Variants in WDR25 observed in about 807,000 individuals in gnomAD.
WDR25 encodes WD repeat-containing protein 25.
Under a neutral mutation model 47.7 loss-of-function variants are expected in WDR25, and 35 were observed. That is an observed-to-expected ratio of 0.73 (90% confidence interval 0.56 to 0.97). The LOEUF is 0.97. WDR25 is among the 50% of genes least tolerant of loss of function. The probability of loss-of-function intolerance (pLI) is 0.00; values close to 1 mark genes in which losing one functional copy is unlikely to be tolerated. For synonymous variants in WDR25, 248 were observed against 278.9 expected (o/e 0.89, Z 1.10); for missense variants, 634 against 704.7 (o/e 0.90, Z 1.14).
chr14:100,514,084 C>T (rs575971501), intron 4 of WDR25, among the ~76,000 whole-genome samples: 115 of 151,898 alleles, frequency 7.6e-4, no homozygotes, highest in Non-Finnish European at 1.4e-3. Context: ...TACAGGCGCC[C>T]GCCACCACGC....
Position 100,428,622 on chromosome 14 carries a change from C to T in WDR25, c.823-39399C>T, listed in dbSNP as rs1898238880. On this transcript the variant is annotated intron_variant, in intron 2 of 6. Coordinates refer to ENST00000402312, the MANE Select transcript of WDR25 (RefSeq NM_001161476.3). The surrounding 1 kb of genome is among the most constrained non-coding windows in gnomAD (Gnocchi z 4.3). ...GTCCAGGAGAGTACTGGGGCCTTGC[C>T]AGCGGAGCCCCCTCTTCCCTGGTCT... 6.6e-6 allele frequency among the ~76,000 whole-genome samples: 1 copy of T among 152,178 alleles called. No homozygotes were observed. The highest frequency in any genetic ancestry group is 2.1e-4 in the South Asian group (1 of 4,822).
At chr14:100,426,793 C>T (rs1301403606) in intron 2 of WDR25, among the ~76,000 whole-genome samples, 1 of 152,160 alleles carries the variant, frequency 6.6e-6, no homozygotes, top group Admixed American at 6.5e-5. Flanking sequence ...TGCAAGGCAA[C>T]CGGGCACAGA....
intron 2 of WDR25, among the ~76,000 whole-genome samples, chr14:100,410,424 C>T (rs1204255628): frequency 6.6e-6 from 1 of 152,162 alleles, no homozygotes; most frequent in East Asian, 1.9e-4. Flanking sequence ...CCACTAGGCA[C>T]CATGTGAGGG....
chr14:100,434,179 C>A (rs1566908318), intron 2 of WDR25, among the ~76,000 whole-genome samples: 1 of 152,192 alleles, frequency 6.6e-6, no homozygotes, highest in Non-Finnish European at 1.5e-5. Flanking sequence ...GAAGACAGAT[C>A]TTGGCGATAG....
At chr14:100,466,758 T>C (rs1899643122) in intron 2 of WDR25, among the ~76,000 whole-genome samples, 1 of 151,964 alleles carries the variant, frequency 6.6e-6, no homozygotes, top group Non-Finnish European at 1.5e-5. Flanking sequence ...CTTCTCGGGT[T>C]CAGCCTCTGA....
At chr14:100,386,738 A>C (rs557216381) in intron 2 of WDR25, among the ~76,000 whole-genome samples, 3 of 151,824 alleles carry the variant, frequency 2.0e-5, no homozygotes, top group African/African-American at 7.3e-5. Context: ...CTAAAAATAC[A>C]AAAAATTAGC....
chr14:100,444,647 G>A (rs946827208), intron 2 of WDR25, among the ~76,000 whole-genome samples: 1 of 152,194 alleles, frequency 6.6e-6, no homozygotes, highest in Non-Finnish European at 1.5e-5. Flanking sequence ...TGGGCCTTTG[G>A]TTTCAGGCCC....
Position 100,380,966 on chromosome 14 carries a change from G to C in WDR25, c.42G>C (p.Ala14=). ...RTLSLMASLV[A]YDDSDSEAET... The stretch of plus-strand genomic sequence containing the variant: ...TGTCTTTAATGGCTTCATTGGTAGC[G>C]TATGATGATTCGGACTCGGAGGCTG... The change falls in exon 2 of 7, where the codon GCG becomes GCC. Residue 14 remains alanine, a synonymous_variant. Coordinates refer to ENST00000402312, the MANE Select transcript of WDR25 (RefSeq NM_001161476.3). 6.2e-7 allele frequency: 1 copy of C among 1,614,222 alleles called. No homozygotes were observed. The highest frequency in any genetic ancestry group is 8.5e-7 in the Non-Finnish European group (1 of 1,180,030).
At chr14:100,460,453 C>T (rs1899372940) in intron 2 of WDR25, among the ~76,000 whole-genome samples, 1 of 152,156 alleles carries the variant, frequency 6.6e-6, no homozygotes, top group South Asian at 2.1e-4. Flanking sequence ...ATCAATCCAA[C>T]TACATATATG....
chr14:100,524,375 T>G (rs1189929884), intron 4 of WDR25, among the ~76,000 whole-genome samples: 2 of 152,070 alleles, frequency 1.3e-5, no homozygotes, highest in Non-Finnish European at 2.9e-5. Flanking sequence ...ATCCTTTCCC[T>G]GGGTCAGCCT....
At chr14:100,513,721 T>G (rs1265433393) in intron 4 of WDR25, among the ~76,000 whole-genome samples, 1 of 151,252 alleles carries the variant, frequency 6.6e-6, no homozygotes, top group Non-Finnish European at 1.5e-5. Context: ...TGAAACAGAG[T>G]CTCACTGGGT....
At chr14:100,419,298 C>A (rs574511799) in intron 2 of WDR25, among the ~76,000 whole-genome samples, 2 of 151,986 alleles carry the variant, frequency 1.3e-5, no homozygotes, top group Non-Finnish European at 2.9e-5. Flanking sequence ...TCGCTCCTTC[C>A]GCCTACCTCT....
rs544823622 is a variant in WDR25, at chr14:100,393,652, G to C, written c.822+11906G>C. 1.2e-4 allele frequency among the ~76,000 whole-genome samples: 18 copies of C among 152,310 alleles called. 1 individual carries two copies. The highest frequency in any genetic ancestry group is 4.3e-4 in the African/African-American group (18 of 41,572). The stretch of plus-strand genomic sequence containing the variant: ...ATGGTGAAGAACTTTCCGGTGCTCA[G>C]AGCTGGGCAACTCGGGCAGTAGACT... On this transcript the variant is annotated intron_variant, in intron 2 of 6. Transcript: ENST00000402312.
intron 2 of WDR25, among the ~76,000 whole-genome samples, chr14:100,413,335 C>G (rs974333776): frequency 6.6e-6 from 1 of 152,180 alleles, no homozygotes; most frequent in Non-Finnish European, 1.5e-5. Flanking sequence ...AGTTCCACCC[C>G]CAACCTCAGC....
At chr14:100,518,825 C>A (rs1319574736) in intron 4 of WDR25, among the ~76,000 whole-genome samples, 1 of 150,426 alleles carries the variant, frequency 6.6e-6, no homozygotes, top group Non-Finnish European at 1.5e-5. Context: ...ACCTGGGAGG[C>A]GGAAGTTGCA....
At chr14:100,434,873 A>C (rs568454154) in intron 2 of WDR25, among the ~76,000 whole-genome samples, 1 of 152,198 alleles carries the variant, frequency 6.6e-6, no homozygotes, top group Non-Finnish European at 1.5e-5. Flanking sequence ...AAAAAGTAGA[A>C]TATTCTGAAT....
Position 100,502,994 on chromosome 14 carries a change from T to C in WDR25, c.1101+18870T>C, listed in dbSNP as rs545557811. Reference sequence around the variant, plus strand: ...ATGTGTGTCGGTGCATGTGTGTGTGTCCATCCATGCATGTGTGTGTCCATC... The same window carrying C: ...ATGTGTGTCGGTGCATGTGTGTGTGCCCATCCATGCATGTGTGTGTCCATC... On this transcript the variant is annotated intron_variant, in intron 4 of 6. Coordinates refer to ENST00000402312, the MANE Select transcript of WDR25 (RefSeq NM_001161476.3). The surrounding 1 kb of genome is among the most constrained non-coding windows in gnomAD (Gnocchi z 4.5). Among the ~76,000 whole-genome samples the C allele has an allele frequency of 6.6e-6, 1 of 151,982 alleles. No individual in the cohort carries two copies. Among genetic ancestry groups the C allele is most frequent in the Admixed American group, 6.5e-5 (1 of 15,274 alleles).
At chr14:100,419,190 C>T (rs1897959589) in intron 2 of WDR25, among the ~76,000 whole-genome samples, 1 of 150,594 alleles carries the variant, frequency 6.6e-6, no homozygotes, top group South Asian at 2.1e-4. Context: ...CCACTGCACT[C>T]CAGCCTGGGC....
intron 2 of WDR25, among the ~76,000 whole-genome samples, chr14:100,431,516 A>G (rs1595082965): frequency 6.6e-6 from 1 of 152,188 alleles, no homozygotes; most frequent in Non-Finnish European, 1.5e-5. Flanking sequence ...TGTTTGGCCT[A>G]GAGAAATATG....
Sources: gnomAD v4.1 joint callset for allele counts (sites outside exome capture counted in the v4.1 genomes callset) on GRCh38, gnomAD v4.1.1 for gene constraint, Gnocchi (gnomAD v3.1) non-coding constraint, MANE v1.5 for transcripts, NCBI Gene and HGNC (gene_info 2026-07-23, HGNC 2026-07-21) for gene names.